Variants in RIT2 observed in about 807,000 individuals in gnomAD.
The protein encoded by RIT2 is Ras like without CAAX 2, also known as GTP-binding protein Rit2.
RIT2 carries 24 observed loss-of-function variants against 23.7 expected under a neutral mutation model. The observed-to-expected ratio is 1.01, with a 90% CI of 0.73 to 1.43. The LOEUF (loss-of-function observed/expected upper bound fraction) is 1.43. RIT2 is among the 40% of genes most tolerant of loss of function. The pLI is 0.00. For missense variants in RIT2, 236 were observed against 266.9 expected (o/e 0.88, Z 0.81); for synonymous variants, 107 against 91.1 (o/e 1.17, Z -0.99).
intron 4 of RIT2, among the ~76,000 whole-genome samples, chr18:42,873,343 C>T (rs1297301637): frequency 6.6e-6 from 1 of 152,054 alleles, no homozygotes; most frequent in African/African-American, 2.4e-5. Flanking sequence ...CTATACTTTT[C>T]ATACATTAAA....
chr18:42,821,349 A>G (rs962561976), intron 4 of RIT2, among the ~76,000 whole-genome samples: 1 of 152,088 alleles, frequency 6.6e-6, no homozygotes, highest in African/African-American at 2.4e-5. Context: ...TGGCATCAGG[A>G]TGGTACAAGG....
At chr18:42,893,865 TCA>T (rs1908249944) in intron 4 of RIT2, among the ~76,000 whole-genome samples, 3 of 152,206 alleles carry the variant, frequency 2.0e-5, no homozygotes, top group Non-Finnish European at 4.4e-5. Context: ...TAGTTAAAAC[TCA>T]TTTTTTTTAA....
At chr18:43,068,488 A>G (rs1231429093) in intron 1 of RIT2, among the ~76,000 whole-genome samples, 1 of 152,128 alleles carries the variant, frequency 6.6e-6, no homozygotes. Context: ...ATTTTATTGG[A>G]AAATGAGCCT....
intron 4 of RIT2, among the ~76,000 whole-genome samples, chr18:42,900,396 A>C (rs1908443831): frequency 6.6e-6 from 1 of 152,106 alleles, no homozygotes; most frequent in African/African-American, 2.4e-5. Flanking sequence ...AGGCAGACGC[A>C]GTCACTTGTT....
intron 1 of RIT2, among the ~76,000 whole-genome samples, chr18:43,105,901 T>A (rs886555696): frequency 6.6e-6 from 1 of 152,164 alleles, no homozygotes; most frequent in East Asian, 1.9e-4. Context: ...ACTTCTATGG[T>A]AGGGCTTCAT....
intron 1 of RIT2, among the ~76,000 whole-genome samples, chr18:43,043,280 A>G (rs1195694995): frequency 6.6e-6 from 1 of 152,096 alleles, no homozygotes; most frequent in African/African-American, 2.4e-5. Flanking sequence ...CAAGGAATCA[A>G]ATTGATTGGG....
chr18:42,947,532 G>A (rs1307740130), intron 3 of RIT2, among the ~76,000 whole-genome samples: 1 of 152,022 alleles, frequency 6.6e-6, no homozygotes, highest in Non-Finnish European at 1.5e-5. Flanking sequence ...ATTTTGCAGG[G>A]CATATTAGAG....
chr18:42,892,742 T>C (rs911151955), intron 4 of RIT2, among the ~76,000 whole-genome samples: 1 of 152,182 alleles, frequency 6.6e-6, no homozygotes, highest in South Asian at 2.1e-4. Context: ...TAAAAATGTG[T>C]AAATAGAATT....
At chr18:43,066,481 T>C (rs774841246) in intron 1 of RIT2, among the ~76,000 whole-genome samples, 21 of 152,178 alleles carry the variant, frequency 1.4e-4, no homozygotes, top group African/African-American at 5.1e-4. Flanking sequence ...TAAGAGACAA[T>C]TGGGAACATT....
At chr18:42,747,858 C>T (rs1912954999) in intron 4 of RIT2, among the ~76,000 whole-genome samples, 1 of 151,966 alleles carries the variant, frequency 6.6e-6, no homozygotes, top group Non-Finnish European at 1.5e-5. Context: ...AAACTGCATC[C>T]TCATGTCTCA....
At chr18:42,779,087 C>A (rs1247085263) in intron 4 of RIT2, among the ~76,000 whole-genome samples, 1 of 152,118 alleles carries the variant, frequency 6.6e-6, no homozygotes, top group African/African-American at 2.4e-5. Context: ...AGTGAAGATA[C>A]CATGATTTTC....
intron 2 of RIT2, among the ~76,000 whole-genome samples, chr18:43,010,558 T>C (rs953726042): frequency 4.6e-5 from 7 of 151,830 alleles, no homozygotes; most frequent in African/African-American, 1.7e-4. Context: ...TTAATAATAA[T>C]TACAAATTCT....
At chr18:42,952,468 T>C (rs1909874661) in intron 3 of RIT2, among the ~76,000 whole-genome samples, 1 of 152,098 alleles carries the variant, frequency 6.6e-6, no homozygotes, top group Non-Finnish European at 1.5e-5. Context: ...TATACTATAG[T>C]GACTATAGTT....
chr18:42,992,117 C>T (rs899610610), intron 2 of RIT2, among the ~76,000 whole-genome samples: 2 of 146,020 alleles, frequency 1.4e-5, no homozygotes, highest in African/African-American at 5.1e-5. Context: ...TTAAACTTGC[C>T]TCCTTCACTA....
chr18:43,104,600 T>C (rs1054821825), intron 1 of RIT2, among the ~76,000 whole-genome samples: 1 of 152,192 alleles, frequency 6.6e-6, no homozygotes, highest in Admixed American at 6.5e-5. Context: ...TATTCCAGAC[T>C]TCTGTTACTC....
At chr18:42,862,749 G>A (rs1006421436) in intron 4 of RIT2, among the ~76,000 whole-genome samples, 1 of 152,152 alleles carries the variant, frequency 6.6e-6, no homozygotes, top group Non-Finnish European at 1.5e-5. Context: ...CAAACTGCCT[G>A]AACTGAAATA....
chr18:43,048,473 G>A (rs1364728928), intron 1 of RIT2, among the ~76,000 whole-genome samples: 2 of 152,104 alleles, frequency 1.3e-5, no homozygotes, highest in Non-Finnish European at 2.9e-5. Context: ...CACATTATGT[G>A]GCTTTAGGAG....
At chr18:43,007,043 A>T (rs1049160961) in intron 2 of RIT2, among the ~76,000 whole-genome samples, 7 of 151,684 alleles carry the variant, frequency 4.6e-5, no homozygotes, top group Non-Finnish European at 8.9e-5. Context: ...AGGAAAGAAA[A>T]TATAAGCCAA....
chr18:42,981,410 A>C (rs1229130368), intron 2 of RIT2, among the ~76,000 whole-genome samples: 1 of 152,110 alleles, frequency 6.6e-6, no homozygotes, highest in East Asian at 1.9e-4. Context: ...CATCTGATGG[A>C]CCCTCGGAGA....
Sources: gnomAD v4.1 joint callset for allele counts (sites outside exome capture counted in the v4.1 genomes callset) on GRCh38, gnomAD v4.1.1 for gene constraint, MANE v1.5 for transcripts, NCBI Gene and HGNC (gene_info 2026-07-23, HGNC 2026-07-21) for gene names.